ANKS1B: variants seen among roughly 807,000 people sequenced by gnomAD.
ANKS1B encodes ankyrin repeat and sterile alpha motif domain-containing protein 1B.
ANKS1B carries 36 observed loss-of-function variants against 148.3 expected under a neutral mutation model. The ratio of observed to expected loss-of-function variants is 0.24; its 90% CI spans 0.19 to 0.32. The LOEUF (loss-of-function observed/expected upper bound fraction) is 0.32. Among genes scored for constraint, ANKS1B ranks in the 10% least tolerant of loss-of-function variants. The probability of loss-of-function intolerance (pLI) is 1.00; values close to 1 mark genes in which losing one functional copy is unlikely to be tolerated. For synonymous variants in ANKS1B, 542 were observed against 560.8 expected (o/e 0.97, Z 0.47); for missense variants, 1,157 against 1,542.6 (o/e 0.75, Z 4.19).
At chr12:99,608,885 A>G (rs2097874286) in intron 9 of ANKS1B, among the ~76,000 whole-genome samples, 1 of 152,024 alleles carries the variant, frequency 6.6e-6, no homozygotes, top group Non-Finnish European at 1.5e-5. Flanking sequence ...GAAGGAGTTG[A>G]AGGCCCACTC....
intron 9 of ANKS1B, among the ~76,000 whole-genome samples, chr12:99,577,749 C>A (rs780489529): frequency 4.6e-5 from 7 of 152,112 alleles, no homozygotes; most frequent in African/African-American, 1.7e-4. Context: ...ACCCTACCAA[C>A]AGAAAAAGCC....
intron 17 of ANKS1B, among the ~76,000 whole-genome samples, chr12:98,858,953 A>T (rs2099585446): frequency 6.6e-6 from 1 of 152,234 alleles, no homozygotes; most frequent in Non-Finnish European, 1.5e-5. Context: ...TTACATTAAG[A>T]AGACTTCCGG....
Position 99,779,570 on chromosome 12 carries a change from CTTA to C in ANKS1B, c.847+298_847+300del, listed in dbSNP as rs2064035557. ...CACTTAATCATCACTACTTTATAGC[CTTA>C]TTAACTTCCAGCTCATAACTACATA... On this transcript the variant is annotated intron_variant, in intron 6 of 26. Coordinates refer to ENST00000683438, the MANE Select transcript of ANKS1B (RefSeq NM_001352186.2). Among the ~76,000 whole-genome samples the C allele has an allele frequency of 3.3e-5, 5 of 152,158 alleles. No homozygotes were observed. The South Asian group carries it at 8.3e-4, about 25-fold the overall frequency.
intron 1 of ANKS1B, among the ~76,000 whole-genome samples, chr12:99,963,385 T>C (rs554825049): frequency 6.6e-6 from 1 of 152,312 alleles, no homozygotes; most frequent in African/African-American, 2.4e-5. Context: ...AGTTCTCTTC[T>C]TAAGGTAGTA....
At chr12:99,129,247 C>A (rs2065347115) in intron 15 of ANKS1B, among the ~76,000 whole-genome samples, 1 of 152,186 alleles carries the variant, frequency 6.6e-6, no homozygotes, top group South Asian at 2.1e-4. Context: ...GATTCTGGGT[C>A]AGGCATCACT....
At chr12:98,772,657 A>G (rs1036992483) in intron 25 of ANKS1B, among the ~76,000 whole-genome samples, 2 of 152,136 alleles carry the variant, frequency 1.3e-5, no homozygotes, top group African/African-American at 2.4e-5. Context: ...CCACGATTCA[A>G]TTACCTCCCA....
intron 12 of ANKS1B, among the ~76,000 whole-genome samples, chr12:99,261,801 A>T (rs898075516): frequency 1.3e-5 from 2 of 152,070 alleles, no homozygotes; most frequent in Admixed American, 1.3e-4. Flanking sequence ...AAGGCAAATC[A>T]TGTCACTCCT....
At chr12:99,009,355 C>G (rs1256302344) in intron 17 of ANKS1B, among the ~76,000 whole-genome samples, 1 of 152,164 alleles carries the variant, frequency 6.6e-6, no homozygotes, top group Non-Finnish European at 1.5e-5. Flanking sequence ...TAAGCACGAA[C>G]AGAGAGAAGG....
At chr12:99,931,093 C>CA (rs1308228205) in intron 1 of ANKS1B, among the ~76,000 whole-genome samples, 4 of 151,224 alleles carry the variant, frequency 2.6e-5, no homozygotes, top group African/African-American at 7.3e-5. Context: ...ATCACAAGGA[C>CA]AAAAAACCGA....
At chr12:99,343,199 T>C (rs2090176207) in intron 12 of ANKS1B, among the ~76,000 whole-genome samples, 1 of 152,002 alleles carries the variant, frequency 6.6e-6, no homozygotes. Flanking sequence ...GTGTGACCAT[T>C]GAAACACATT....
chr12:99,005,296 C>T (rs910710856), intron 17 of ANKS1B, among the ~76,000 whole-genome samples: 2 of 151,994 alleles, frequency 1.3e-5, no homozygotes, highest in African/African-American at 2.4e-5. Flanking sequence ...TGCTGTGGCC[C>T]GGTGTGACAG....
intron 10 of ANKS1B, among the ~76,000 whole-genome samples, chr12:99,496,646 G>A (rs892084426): frequency 5.9e-5 from 9 of 152,094 alleles, no homozygotes; most frequent in Non-Finnish European, 1.2e-4. Flanking sequence ...TCATTTTCTG[G>A]TTGAATTGTA....
intron 4 of ANKS1B, among the ~76,000 whole-genome samples, chr12:99,784,658 G>A (rs2153636778): frequency 6.6e-6 from 1 of 152,110 alleles, no homozygotes; most frequent in Non-Finnish European, 1.5e-5. Flanking sequence ...CATACTTCTG[G>A]GCCCCATCCC....
At chr12:99,135,253 A>G (rs1326618380) in intron 15 of ANKS1B, among the ~76,000 whole-genome samples, 1 of 152,210 alleles carries the variant, frequency 6.6e-6, no homozygotes, top group African/African-American at 2.4e-5. Context: ...GGTAAATGTG[A>G]GCACAAGGAT....
At chr12:98,781,250 C>A (rs1181387816) in intron 23 of ANKS1B, 47 bp from the exon 24 acceptor site, 1 of 1,187,228 alleles carries the variant, frequency 8.4e-7, no homozygotes, top group Non-Finnish European at 1.2e-6. Context: ...TGTTGCGTGG[C>A]AACTGAAGCA....
Position 99,577,292 on chromosome 12 carries a change from C to CAAATAAAT in ANKS1B, c.1273-72659_1273-72652dup, listed in dbSNP as rs71303566. 7.1e-3 allele frequency among the ~76,000 whole-genome samples: 1,034 copies of CAAATAAAT among 144,730 alleles called. 10 individuals carry two copies. The highest frequency in any genetic ancestry group is 0.017 in the East Asian group (85 of 4,934). 94.9% of individuals were successfully genotyped at this position (144,730 alleles called of 152,430 possible). On this transcript the variant is annotated intron_variant, in intron 9 of 26. Transcript: ENST00000683438. The stretch of plus-strand genomic sequence containing the variant: ...GTCATTAAAAACTCTCTGTTCACAT[C>CAAATAAAT]AAATAAATAAATAAATAAATAAATA...
At chr12:99,824,842 C>A (rs1699429798) in intron 2 of ANKS1B, among the ~76,000 whole-genome samples, 1 of 152,088 alleles carries the variant, frequency 6.6e-6, no homozygotes, top group Non-Finnish European at 1.5e-5. Context: ...TCATGAATGA[C>A]AAAGATAAAA....
At chr12:99,739,080 C>A (rs868227337) in intron 8 of ANKS1B, among the ~76,000 whole-genome samples, 10 of 152,042 alleles carry the variant, frequency 6.6e-5, no homozygotes, top group African/African-American at 2.4e-4. Context: ...TATTCACATA[C>A]ACTATCATCT....
intron 1 of ANKS1B, among the ~76,000 whole-genome samples, chr12:99,935,198 A>G (rs550080636): frequency 2.0e-4 from 30 of 152,170 alleles, no homozygotes; most frequent in Admixed American, 1.6e-3. Context: ...GGTCCATGAG[A>G]TGGATGGGTA....
Sources: allele counts gnomAD v4.1 joint callset (sites outside exome capture counted in the v4.1 genomes callset), GRCh38; gene constraint gnomAD v4.1.1; transcripts MANE v1.5; gene names NCBI Gene and HGNC (gene_info 2026-07-23, HGNC 2026-07-21).